UNC5C: variants seen among roughly 807,000 people sequenced by gnomAD.
UNC5C encodes the protein unc-5 netrin receptor C.
A neutral mutation model predicts 99.8 loss-of-function variants in UNC5C; 47 were observed. The observed-to-expected ratio is 0.47, with a 90% CI of 0.37 to 0.60. The LOEUF is 0.60. Ranked by LOEUF, UNC5C falls within the 20% of genes least tolerant of loss-of-function variation. The pLI, the probability that UNC5C is intolerant of heterozygous loss-of-function variation, is 0.00. For missense variants in UNC5C, 1,062 were observed against 1,165.9 expected, an observed-to-expected ratio of 0.91 and a Z score of 1.30; for synonymous variants, 487 against 452.2, an observed-to-expected ratio of 1.08 and a Z score of -0.98.
chr4:95,453,053 G>A (rs1318852335), intron 1 of UNC5C, among the ~76,000 whole-genome samples: 1 of 152,106 alleles, frequency 6.6e-6, no homozygotes, highest in African/African-American at 2.4e-5. Flanking sequence ...AAAATATACA[G>A]GAAGGAAGGG....
At chr4:95,387,100 T>G (rs1745232460) in intron 1 of UNC5C, among the ~76,000 whole-genome samples, 1 of 152,124 alleles carries the variant, frequency 6.6e-6, no homozygotes, top group African/African-American at 2.4e-5. Context: ...AATGGTGCCC[T>G]ATTTCTTTTT....
At chr4:95,254,255 A>T (rs1739866011) in intron 4 of UNC5C, among the ~76,000 whole-genome samples, 1 of 152,178 alleles carries the variant, frequency 6.6e-6, no homozygotes, top group Non-Finnish European at 1.5e-5. Context: ...TAATAACCAC[A>T]AAGGTGACGC....
At chr4:95,186,696 A>G (rs1263496520) in intron 12 of UNC5C, among the ~76,000 whole-genome samples, 1 of 152,146 alleles carries the variant, frequency 6.6e-6, no homozygotes, top group African/African-American at 2.4e-5. Flanking sequence ...AATGGAAGAG[A>G]TGAGGCAATA....
intron 1 of UNC5C, among the ~76,000 whole-genome samples, chr4:95,503,432 T>A (rs1194769777): frequency 6.6e-6 from 1 of 152,182 alleles, no homozygotes; most frequent in Non-Finnish European, 1.5e-5. Flanking sequence ...TTCTTCAAGT[T>A]TGTAATTATT....
chr4:95,425,762 A>G (rs960898051), intron 1 of UNC5C, among the ~76,000 whole-genome samples: 3 of 152,238 alleles, frequency 2.0e-5, no homozygotes, highest in Admixed American at 1.3e-4. Context: ...ATTTAAATAC[A>G]TATATTTCAA....
intron 1 of UNC5C, among the ~76,000 whole-genome samples, chr4:95,353,947 A>G (rs1270174820): frequency 6.6e-6 from 1 of 152,172 alleles, no homozygotes; most frequent in Non-Finnish European, 1.5e-5. Context: ...CATGAAAAGT[A>G]CAGAAGTCCA....
chr4:95,261,702 G>C (rs1372802994), intron 4 of UNC5C, among the ~76,000 whole-genome samples: 1 of 138,282 alleles, frequency 7.2e-6, no homozygotes, highest in African/African-American at 2.9e-5. Flanking sequence ...ACTTCCATAT[G>C]AATTCCTTTT....
intron 10 of UNC5C, among the ~76,000 whole-genome samples, chr4:95,211,956 G>A (rs1738088837): frequency 6.6e-6 from 1 of 152,068 alleles, no homozygotes; most frequent in Non-Finnish European, 1.5e-5. Context: ...TCAAACTGAG[G>A]AACTTGAGGC....
chr4:95,439,382 G>GTTT (rs199747162), intron 1 of UNC5C, among the ~76,000 whole-genome samples: 2 of 125,204 alleles, frequency 1.6e-5, no homozygotes, highest in African/African-American at 6.5e-5. Context: ...ATGAGGTTTT[G>GTTT]GTTTTTTTTT....
intron 10 of UNC5C, among the ~76,000 whole-genome samples, chr4:95,208,104 G>A (rs1206387912): frequency 6.6e-6 from 1 of 152,078 alleles, no homozygotes; most frequent in African/African-American, 2.4e-5. Context: ...CCAGGTCCTC[G>A]TTAAAGTGGT....
At chr4:95,276,986 T>C (rs1740885406) in intron 4 of UNC5C, among the ~76,000 whole-genome samples, 1 of 152,304 alleles carries the variant, frequency 6.6e-6, no homozygotes, top group Admixed American at 6.5e-5. Context: ...TTAATTATTA[T>C]TATTACTATT....
chr4:95,169,074 T>C lies in UNC5C; in HGVS notation c.*160A>G. The C allele has an allele frequency of 1.2e-6, 1 of 819,926 alleles. No individual in the cohort carries two copies. The highest frequency in any genetic ancestry group is 1.9e-6 in the Non-Finnish European group (1 of 522,880). 50.8% of individuals were successfully genotyped at this position (819,926 alleles called of 1,614,324 possible). ...ATGATGTCCGAGTAAAGTGGGCATG[T>C]ACATGGGCAGTTGTATCTGTTTTCC... On this transcript the variant is annotated 3_prime_UTR_variant, in exon 16 of 16. Transcript: ENST00000453304.
At chr4:95,177,863 G>A (rs754237256) in intron 14 of UNC5C, among the ~76,000 whole-genome samples, 3 of 138,384 alleles carry the variant, frequency 2.2e-5, no homozygotes, top group Non-Finnish European at 4.6e-5. Context: ...CATCACACTG[G>A]GCTAATTTGC....
At chr4:95,304,048 G>C (rs1531866) in intron 2 of UNC5C, among the ~76,000 whole-genome samples, 97,610 of 151,830 alleles carry the variant, frequency 0.64, 31,561 homozygotes, top group East Asian at 0.85. Flanking sequence ...TCCCACTGGG[G>C]GAACAAACAA....
intron 4 of UNC5C, among the ~76,000 whole-genome samples, chr4:95,264,560 C>T (rs970327523): frequency 2.0e-5 from 3 of 152,122 alleles, no homozygotes; most frequent in Non-Finnish European, 4.4e-5. Flanking sequence ...AACCTAAAAA[C>T]AAACCAACAA....
At chr4:95,216,988 G>A (rs1738275614) in intron 9 of UNC5C, among the ~76,000 whole-genome samples, 1 of 152,180 alleles carries the variant, frequency 6.6e-6, no homozygotes, top group Non-Finnish European at 1.5e-5. Context: ...GTGATGGTCT[G>A]GGGCCCACAC....
intron 1 of UNC5C, among the ~76,000 whole-genome samples, chr4:95,442,509 T>G (rs528507822): frequency 1.2e-3 from 176 of 151,468 alleles, no homozygotes; most frequent in Admixed American, 2.4e-3. Context: ...AGCCCGCCTG[T>G]TTTTTAGAGA....
chr4:95,353,335 C>T (rs994767112), intron 1 of UNC5C, among the ~76,000 whole-genome samples: 10 of 151,900 alleles, frequency 6.6e-5, no homozygotes, highest in Non-Finnish European at 1.3e-4. Context: ...ATGTCATCCC[C>T]ATGGATAGAT....
chr4:95,395,252 A>G (rs1028545531), intron 1 of UNC5C, among the ~76,000 whole-genome samples: 4 of 152,218 alleles, frequency 2.6e-5, no homozygotes, highest in Non-Finnish European at 5.9e-5. Context: ...TACTTCTGTG[A>G]TTTTGAATTT....
Sources: gnomAD v4.1 joint callset for allele counts (sites outside exome capture counted in the v4.1 genomes callset) on GRCh38, gnomAD v4.1.1 for gene constraint, MANE v1.5 for transcripts, NCBI Gene and HGNC (gene_info 2026-07-23, HGNC 2026-07-21) for gene names.